GIPC2: variants seen among roughly 807,000 people sequenced by gnomAD.
The protein encoded by GIPC2 is PDZ domain-containing protein GIPC2.
Under a neutral mutation model 30.6 loss-of-function variants are expected in GIPC2, and 30 were observed. The ratio of observed to expected loss-of-function variants is 0.98; its 90% confidence interval spans 0.73 to 1.33. The LOEUF is 1.33. Ranked by LOEUF, GIPC2 falls within the 40% of genes most tolerant of loss-of-function variation. GIPC2 has a pLI of 0.00. For missense variants in GIPC2, 414 were observed against 390.3 expected, an observed-to-expected ratio of 1.06 and a Z score of -0.51; for synonymous variants, 167 against 150.0, an observed-to-expected ratio of 1.11 and a Z score of -0.83.
chr1:78,099,203 T>C (rs1470765312), intron 3 of GIPC2, among the ~76,000 whole-genome samples: 1 of 152,124 alleles, frequency 6.6e-6, no homozygotes, highest in Non-Finnish European at 1.5e-5. Context: ...TAGACAATAA[T>C]AGTTACCATT....
At chr1:78,119,893 G>A (rs138391940) in intron 4 of GIPC2, among the ~76,000 whole-genome samples, 94 of 152,162 alleles carry the variant, frequency 6.2e-4, no homozygotes, top group African/African-American at 1.8e-3. Flanking sequence ...GACTCTTTTC[G>A]TTCATGTCCC....
intron 1 of GIPC2, among the ~76,000 whole-genome samples, chr1:78,076,546 C>G (rs567003021): frequency 6.6e-6 from 1 of 152,132 alleles, no homozygotes; most frequent in Non-Finnish European, 1.5e-5. Context: ...TGCAGCTCAC[C>G]TTAGGGTTCA....
chr1:78,097,235 A>G (rs1481316849), intron 3 of GIPC2, among the ~76,000 whole-genome samples: 2 of 151,586 alleles, frequency 1.3e-5, no homozygotes, highest in Non-Finnish European at 2.9e-5. Context: ...ATTATTATTG[A>G]CTCAGGGCCA....
intron 2 of GIPC2, among the ~76,000 whole-genome samples, chr1:78,093,725 A>G (rs1218168566): frequency 2.0e-5 from 3 of 152,202 alleles, no homozygotes; most frequent in Non-Finnish European, 4.4e-5. Context: ...GGTAAAGAAT[A>G]CACAACCTTT....
At chr1:78,130,121 T>TTC (rs369892829) in intron 5 of GIPC2, among the ~76,000 whole-genome samples, 4,593 of 146,800 alleles carry the variant, frequency 0.031, 130 homozygotes, top group Non-Finnish European at 0.045. Context: ...TTTTTTTTTT[T>TTC]CAGACAGAGT....
At chr1:78,097,992 A>G (rs567871746) in intron 3 of GIPC2, among the ~76,000 whole-genome samples, 1 of 152,346 alleles carries the variant, frequency 6.6e-6, no homozygotes, top group East Asian at 1.9e-4. Flanking sequence ...ATGAAGGGAT[A>G]AATTTCCTTA....
chr1:78,063,241 T>C (rs1056216275), intron 1 of GIPC2, among the ~76,000 whole-genome samples: 5 of 152,208 alleles, frequency 3.3e-5, no homozygotes, highest in African/African-American at 1.2e-4. Flanking sequence ...GGCTCATGCC[T>C]GTAATCCCAG....
chr1:78,045,028 AGAG>A (rs1232908489), upstream of GIPC2: 1 of 926,044 alleles, frequency 1.1e-6, no homozygotes, highest in Non-Finnish European at 1.3e-6. Context: ...GGGGACGGGG[AGAG>A]GAGAGGTAAG....
intron 3 of GIPC2, among the ~76,000 whole-genome samples, chr1:78,096,711 A>G (rs1662142840): frequency 6.6e-6 from 1 of 152,208 alleles, no homozygotes; most frequent in African/African-American, 2.4e-5. Flanking sequence ...GTACCTAACT[A>G]CTATTGAACC....
chr1:78,110,084 T>A (rs1662437923), intron 3 of GIPC2, among the ~76,000 whole-genome samples: 1 of 151,804 alleles, frequency 6.6e-6, no homozygotes, highest in South Asian at 2.1e-4. Flanking sequence ...ATACCTAATG[T>A]AAATGACGAG....
intron 1 of GIPC2, among the ~76,000 whole-genome samples, chr1:78,050,803 T>A (rs1661182994): frequency 6.6e-6 from 1 of 151,876 alleles, no homozygotes; most frequent in Admixed American, 6.6e-5. Flanking sequence ...CCCGGCTAAT[T>A]TTTTGTATTT....
rs746476493 is a variant in GIPC2 at position 78,094,940 on chromosome 1, A to G, written c.427-12A>G. 2.7e-5 allele frequency: 42 copies of G among 1,533,762 alleles called. No homozygotes were observed. Among genetic ancestry groups the G allele is most frequent in the Non-Finnish European group, 3.7e-5 (41 of 1,108,218 alleles). ...TCTATTTTATATTATGTTATCATCA[A>G]TTTCCTTTCAGAGAATTAAAGATGG... On this transcript the variant is annotated splice_polypyrimidine_tract_variant and intron_variant, in intron 2 of 5. Transcript: ENST00000370759.
chr1:78,055,841 A>C (rs1372341652), intron 1 of GIPC2, among the ~76,000 whole-genome samples: 2 of 152,178 alleles, frequency 1.3e-5, no homozygotes, highest in African/African-American at 4.8e-5. Flanking sequence ...AGCTATGCAC[A>C]TGGTAGATAT....
intron 1 of GIPC2, among the ~76,000 whole-genome samples, chr1:78,075,055 T>C (rs972084447): frequency 1.3e-5 from 2 of 152,214 alleles, no homozygotes; most frequent in African/African-American, 2.4e-5. Context: ...CTCACGTAAC[T>C]AAACATTCTG....
At chr1:78,078,378 C>T (rs1047589044) in intron 1 of GIPC2, among the ~76,000 whole-genome samples, 1 of 152,112 alleles carries the variant, frequency 6.6e-6, no homozygotes, top group African/African-American at 2.4e-5. Context: ...AGTCATGGAG[C>T]TTTAGTTACC....
At chr1:78,135,539 G>T in intron 5 of GIPC2, 53 bp from the exon 6 acceptor site, 1 of 1,093,560 alleles carries the variant, frequency 9.1e-7, no homozygotes, top group South Asian at 1.5e-5. Context: ...ATTTTTCTCA[G>T]TCCTTTGATG....
At chr1:78,077,806 C>T (rs1245669685) in intron 1 of GIPC2, among the ~76,000 whole-genome samples, 1 of 152,170 alleles carries the variant, frequency 6.6e-6, no homozygotes, top group Non-Finnish European at 1.5e-5. Flanking sequence ...GGTATGAAAG[C>T]TCACAGTAGC....
In GIPC2 at chr1:78,085,241, T is replaced by G. The variant is rs564437870; in HGVS notation, c.426+4381T>G. 5.2e-4 allele frequency among the ~76,000 whole-genome samples: 79 copies of G among 152,352 alleles called. No homozygotes were observed. The East Asian group carries it at 0.012, about 23-fold the overall frequency. On this transcript the variant is annotated intron_variant, in intron 2 of 5. Coordinates refer to ENST00000370759, the MANE Select transcript of GIPC2 (RefSeq NM_017655.6). ...ATGTGATGAAGCACATTTATTGATA[T>G]GCTTATGTTGAACCAATCTTGCATC...
At chr1:78,096,107 T>A (rs1662132215) in intron 3 of GIPC2, among the ~76,000 whole-genome samples, 1 of 152,216 alleles carries the variant, frequency 6.6e-6, no homozygotes, top group African/African-American at 2.4e-5. Context: ...TTATATTACC[T>A]GTGGGAGGCA....
Sources: allele counts gnomAD v4.1 joint callset (sites outside exome capture counted in the v4.1 genomes callset), GRCh38; gene constraint gnomAD v4.1.1; transcripts MANE v1.5; gene names NCBI Gene and HGNC (gene_info 2026-07-23, HGNC 2026-07-21).